Variants in NUP205 observed in about 807,000 individuals in gnomAD.
The protein encoded by NUP205 is nuclear pore complex protein Nup205.
NUP205 carries 76 observed loss-of-function variants against 253.8 expected under a neutral mutation model. The observed-to-expected ratio is 0.30, with a 90% CI of 0.25 to 0.36. The LOEUF (loss-of-function observed/expected upper bound fraction) is 0.36, where lower values mean the gene tolerates loss of function less well. NUP205 is among the 10% of genes least tolerant of loss of function. The pLI is 1.00. For synonymous variants in NUP205, 832 were observed against 850.1 expected (o/e 0.98, Z 0.37); for missense variants, 2,162 against 2,425.5 (o/e 0.89, Z 2.28).
At chr7:135,646,891 G>A (rs1258169549) in intron 42 of NUP205, among the ~76,000 whole-genome samples, 1 of 152,198 alleles carries the variant, frequency 6.6e-6, no homozygotes, top group African/African-American at 2.4e-5. Context: ...TCCGTGATTG[G>A]TAGGCATTAT....
intron 11 of NUP205, among the ~76,000 whole-genome samples, chr7:135,591,854 A>G (rs934599255): frequency 4.2e-4 from 64 of 152,232 alleles, no homozygotes; most frequent in African/African-American, 1.5e-3. Flanking sequence ...GAATTAATGT[A>G]TGAAAATTTT....
chr7:135,635,750 C>G, intron 36 of NUP205, 93 bp downstream of exon 36: 1 of 657,524 alleles, frequency 1.5e-6, no homozygotes, highest in Admixed American at 2.6e-5. Context: ...TGGGAAACCC[C>G]TTTCAACTGT....
At chr7:135,624,520 T>C (rs143092439) in intron 31 of NUP205, among the ~76,000 whole-genome samples, 5,192 of 152,188 alleles carry the variant, frequency 0.034, 117 homozygotes, top group Middle Eastern at 0.1. Flanking sequence ...AGATTACAGG[T>C]GCCCACCACC....
At chr7:135,638,788 C>A in intron 38 of NUP205, 105 bp downstream of exon 38, 1 of 1,120,136 alleles carries the variant, frequency 8.9e-7, no homozygotes, top group Non-Finnish European at 1.3e-6. Flanking sequence ...TTTTAAGTGT[C>A]ATTAATGGGA....
At chr7:135,580,377 G>T (rs1298473961) in intron 7 of NUP205, among the ~76,000 whole-genome samples, 5 of 152,212 alleles carry the variant, frequency 3.3e-5, no homozygotes, top group African/African-American at 1.2e-4. Flanking sequence ...TCACCTGTAC[G>T]TACCCTCATC....
At chr7:135,578,194 T>C (rs577982988) in intron 6 of NUP205, among the ~76,000 whole-genome samples, 170 bp downstream of exon 6, 2 of 152,314 alleles carry the variant, frequency 1.3e-5, no homozygotes, top group Admixed American at 6.5e-5. Context: ...AAAAAACAGC[T>C]GCAGTCCTGT....
intron 19 of NUP205, among the ~76,000 whole-genome samples, chr7:135,604,709 C>T (rs919275516): frequency 1.3e-5 from 2 of 152,198 alleles, no homozygotes; most frequent in Non-Finnish European, 2.9e-5. Context: ...GGGTACATGA[C>T]CACTGCTACT....
intron 10 of NUP205, among the ~76,000 whole-genome samples, chr7:135,588,300 C>A (rs1309044720): frequency 6.6e-6 from 1 of 150,610 alleles, no homozygotes; most frequent in Non-Finnish European, 1.5e-5. Flanking sequence ...ACCACCACAC[C>A]CGGCTAGTTT....
At chr7:135,594,088 A>G (rs570906074) in intron 12 of NUP205, among the ~76,000 whole-genome samples, 179 of 152,298 alleles carry the variant, frequency 1.2e-3, no homozygotes, top group African/African-American at 3.7e-3. Context: ...CCCTATAAAT[A>G]TGTATAGTTA....
intron 13 of NUP205, among the ~76,000 whole-genome samples, chr7:135,595,475 C>T (rs746725168): frequency 2.0e-5 from 3 of 152,072 alleles, no homozygotes; most frequent in Non-Finnish European, 2.9e-5. Flanking sequence ...CTGCCCGCCT[C>T]GGCCTCCCAA....
intron 34 of NUP205, among the ~76,000 whole-genome samples, chr7:135,629,012 A>G (rs1794650883): frequency 6.6e-6 from 1 of 152,226 alleles, no homozygotes; most frequent in Non-Finnish European, 1.5e-5. Context: ...ATGATATAAG[A>G]CACTGGTTCC....
At chr7:135,633,733 GA>G (rs1249716685) in intron 35 of NUP205, among the ~76,000 whole-genome samples, 1 of 152,150 alleles carries the variant, frequency 6.6e-6, no homozygotes, top group Non-Finnish European at 1.5e-5. Flanking sequence ...GTGAGCCACT[GA>G]ACCCGGCCCC....
intron 17 of NUP205, 23 bp downstream of exon 17, chr7:135,601,530 G>A (rs1793965125): frequency 3.1e-6 from 5 of 1,599,848 alleles, no homozygotes; most frequent in Non-Finnish European, 4.3e-6. Context: ...AAGCCTTCAT[G>A]TCTTGCAAAC....
chr7:135,643,106 G>A (rs1794944252), intron 38 of NUP205, 86 bp from the exon 39 acceptor site: 6 of 1,264,768 alleles, frequency 4.7e-6, no homozygotes, highest in Non-Finnish European at 6.6e-6. Context: ...AAATTCTGGG[G>A]CATCCCTTGT....
intron 14 of NUP205, 183 bp downstream of exon 14, chr7:135,597,601 T>G: frequency 2.1e-6 from 1 of 481,342 alleles, no homozygotes; most frequent in Non-Finnish European, 3.6e-6. Flanking sequence ...CCAAAATATT[T>G]TGTGTTTCAG....
chr7:135,585,555 A>G (rs570267311), intron 8 of NUP205, among the ~76,000 whole-genome samples: 3 of 144,888 alleles, frequency 2.1e-5, no homozygotes, highest in South Asian at 4.4e-4. Context: ...AATTGTTTAG[A>G]TTTTTTTTTT....
At chr7:135,562,932 G>A (rs1805630842) in intron 1 of NUP205, among the ~76,000 whole-genome samples, 2 of 152,228 alleles carry the variant, frequency 1.3e-5, no homozygotes, top group South Asian at 2.1e-4. Flanking sequence ...GGCCTTTTGA[G>A]TTCTTTGACA....
intron 8 of NUP205, among the ~76,000 whole-genome samples, chr7:135,586,806 A>C (rs187487811): frequency 1.3e-3 from 198 of 152,184 alleles, no homozygotes; most frequent in African/African-American, 4.5e-3. Context: ...AGTTGTATTA[A>C]ATTTGTTGAG....
intron 24 of NUP205, among the ~76,000 whole-genome samples, chr7:135,616,287 A>G (rs761165862): frequency 3.4e-4 from 52 of 152,210 alleles, no homozygotes; most frequent in Non-Finnish European, 5.1e-4. Flanking sequence ...TATTATATAC[A>G]AAATTGTCAG....
Sources: allele counts gnomAD v4.1 joint callset (sites outside exome capture counted in the v4.1 genomes callset), GRCh38; gene constraint gnomAD v4.1.1; transcripts MANE v1.5; gene names NCBI Gene and HGNC (gene_info 2026-07-23, HGNC 2026-07-21).